RBFOX3: variants seen among roughly 807,000 people sequenced by gnomAD.
RBFOX3 encodes the protein RNA binding fox-1 homolog 3, also known as RNA binding protein fox-1 homolog 3.
A neutral mutation model predicts 48.7 loss-of-function variants in RBFOX3; 17 were observed. The observed-to-expected ratio is 0.35, with a 90% CI of 0.24 to 0.52. RBFOX3 has a LOEUF of 0.52. RBFOX3 is among the 20% of genes least tolerant of loss of function. The pLI is 0.94. For missense variants in RBFOX3, 382 were observed against 497.5 expected, an observed-to-expected ratio of 0.77 and a Z score of 2.21; for synonymous variants, 212 against 209.5, an observed-to-expected ratio of 1.01 and a Z score of -0.10.
At chr17:79,478,732 T>C (rs2078338167) in intron 2 of RBFOX3, among the ~76,000 whole-genome samples, 1 of 152,204 alleles carries the variant, frequency 6.6e-6, no homozygotes, top group Admixed American at 6.5e-5. Context: ...GGCCCATCTC[T>C]TCCCTGTGGA....
At chr17:79,488,976 G>C (rs1555771154) in intron 1 of RBFOX3, among the ~76,000 whole-genome samples, 1 of 152,174 alleles carries the variant, frequency 6.6e-6, no homozygotes, top group African/African-American at 2.4e-5. Flanking sequence ...AAAATCACCA[G>C]AAATCAAGTT....
intron 2 of RBFOX3, among the ~76,000 whole-genome samples, chr17:79,411,723 T>C (rs1414647136): frequency 1.3e-5 from 2 of 152,230 alleles, no homozygotes; most frequent in African/African-American, 2.4e-5. Context: ...CTGTGATCCA[T>C]GCATGCAATG....
intron 4 of RBFOX3, among the ~76,000 whole-genome samples, chr17:79,166,541 T>C (rs1408752981): frequency 6.6e-6 from 1 of 151,194 alleles, no homozygotes; most frequent in Non-Finnish European, 1.5e-5. Flanking sequence ...TTCGGAAGGG[T>C]CCCGAGGGAG....
Position 79,254,812 on chromosome 17 carries a change from G to C in RBFOX3, c.-73-19007C>G, listed in dbSNP as rs2064512510. Among the ~76,000 whole-genome samples the C allele has an allele frequency of 6.6e-6, 1 of 152,190 alleles. No individual in the cohort carries two copies. ...CATGAGAGGGGTCCCAGAATGTCTG[G>C]AAGTGCTGGATGGCCCAGGTTATGG... On this transcript the variant is annotated intron_variant, in intron 3 of 14. Coordinates refer to ENST00000693108, the MANE Select transcript of RBFOX3 (RefSeq NM_001350451.2). This position sits in a 1 kb window ranked among gnomAD's most constrained non-coding sequence, Gnocchi z 4.8.
chr17:79,246,306 A>G (rs1168545183), intron 3 of RBFOX3, among the ~76,000 whole-genome samples: 1 of 152,196 alleles, frequency 6.6e-6, no homozygotes, highest in Non-Finnish European at 1.5e-5. Context: ...GGCACAGGGC[A>G]CAGCACTGCA....
At chr17:79,337,518 G>A (rs190524442) in intron 2 of RBFOX3, among the ~76,000 whole-genome samples, 1 of 152,354 alleles carries the variant, frequency 6.6e-6, no homozygotes, top group Non-Finnish European at 1.5e-5. Flanking sequence ...GCTCACGCCT[G>A]TAATCCCAAC....
At chr17:79,218,665 G>A (rs1465872117) in intron 4 of RBFOX3, among the ~76,000 whole-genome samples, 3 of 152,186 alleles carry the variant, frequency 2.0e-5, no homozygotes, top group Admixed American at 6.5e-5. Context: ...GCCGGGAGCC[G>A]AGATGCAGGG....
chr17:79,193,655 A>G (rs941626029), intron 4 of RBFOX3, among the ~76,000 whole-genome samples: 1 of 152,242 alleles, frequency 6.6e-6, no homozygotes. Flanking sequence ...ATTATAATGA[A>G]GTGGCTGCCA....
At chr17:79,622,724 A>G in the RBFOX3 span, among the ~76,000 whole-genome samples, 1 of 151,978 alleles carries the variant, frequency 6.6e-6, no homozygotes, top group Non-Finnish European at 1.5e-5. Flanking sequence ...CCACCACCTC[A>G]TTTCACCTGA....
intron 1 of RBFOX3, among the ~76,000 whole-genome samples, chr17:79,528,400 G>T (rs2087126832): frequency 6.8e-6 from 1 of 146,456 alleles, no homozygotes; most frequent in Non-Finnish European, 1.5e-5. Context: ...CTCTGAGGAG[G>T]ATCTTAGTTG....
the RBFOX3 span, among the ~76,000 whole-genome samples, chr17:79,652,700 GTTTGT>G: frequency 6.9e-6 from 1 of 145,460 alleles, no homozygotes; most frequent in East Asian, 2.2e-4. Flanking sequence ...GTCGGTTTTT[GTTTGT>G]TTTAACTGAA....
intron 2 of RBFOX3, among the ~76,000 whole-genome samples, chr17:79,380,814 C>A (rs1000157994): frequency 6.6e-6 from 1 of 152,204 alleles, no homozygotes; most frequent in Non-Finnish European, 1.5e-5. Context: ...CTCCACCACA[C>A]TTTCTAAACA....
intron 5 of RBFOX3, among the ~76,000 whole-genome samples, chr17:79,110,776 GC>G (rs1180614914): frequency 6.6e-6 from 1 of 152,210 alleles, no homozygotes; most frequent in Non-Finnish European, 1.5e-5. Flanking sequence ...AGGATTTCAA[GC>G]CCCTCCTGAT....
rs186207646 is a variant in RBFOX3, at chr17:79,355,013, C to T, written c.-174-47189G>A. Among the ~76,000 whole-genome samples, 411 of 152,268 alleles carry T rather than the reference C, an allele frequency of 2.7e-3. 1 individual carries two copies. Among genetic ancestry groups the T allele is most frequent in the African/African-American group, 9.4e-3 (390 of 41,542 alleles). ...AATGGGTGTTATTTTGCTAATAGTC[C>T]GCCCCTCTAATGGGGACTCTTCCCA... On this transcript the variant is annotated intron_variant, in intron 2 of 14. Coordinates refer to ENST00000693108, the MANE Select transcript of RBFOX3 (RefSeq NM_001350451.2).
At chr17:79,528,716 G>A (rs1555786592) in intron 1 of RBFOX3, among the ~76,000 whole-genome samples, 3 of 152,044 alleles carry the variant, frequency 2.0e-5, no homozygotes, top group Non-Finnish European at 4.4e-5. Context: ...AGAGGCTGGA[G>A]TAAGGCAGCC....
intron 1 of RBFOX3, among the ~76,000 whole-genome samples, chr17:79,506,528 GC>G (rs2083155302): frequency 6.6e-6 from 1 of 152,088 alleles, no homozygotes; most frequent in African/African-American, 2.4e-5. Context: ...TGCTCCAGTG[GC>G]CCCCTACCTT....
intron 2 of RBFOX3, among the ~76,000 whole-genome samples, chr17:79,349,721 C>T (rs917274342): frequency 3.3e-5 from 5 of 152,048 alleles, no homozygotes; most frequent in African/African-American, 7.2e-5. Context: ...CCTGGAATAC[C>T]GTCACAGCTC....
intron 3 of RBFOX3, among the ~76,000 whole-genome samples, chr17:79,259,225 C>T (rs531366812): frequency 9.5e-4 from 144 of 152,370 alleles, no homozygotes; most frequent in Middle Eastern, 3.4e-3. Context: ...GTCTGGCCCA[C>T]CTGGCATCTG....
chr17:79,209,806 A>G (rs2058104687), intron 4 of RBFOX3, among the ~76,000 whole-genome samples: 1 of 151,986 alleles, frequency 6.6e-6, no homozygotes, highest in South Asian at 2.1e-4. Flanking sequence ...ATCCTGGCTA[A>G]CATGGTGAAA....
Sources: gnomAD v4.1 joint callset for allele counts (sites outside exome capture counted in the v4.1 genomes callset) on GRCh38, gnomAD v4.1.1 for gene constraint, Gnocchi (gnomAD v3.1) non-coding constraint, MANE v1.5 for transcripts, NCBI Gene and HGNC (gene_info 2026-07-23, HGNC 2026-07-21) for gene names.